LAMA2: variants seen among roughly 807,000 people sequenced by gnomAD.
The protein encoded by LAMA2 is laminin subunit alpha-2.
LAMA2 carries 269 observed loss-of-function variants against 364.8 expected under a neutral mutation model. That is an observed-to-expected ratio of 0.74 (90% confidence interval 0.67 to 0.82). The LOEUF (loss-of-function observed/expected upper bound fraction) is 0.82. Ranked by LOEUF, LAMA2 falls within the 40% of genes least tolerant of loss-of-function variation. The pLI, the probability that LAMA2 is intolerant of heterozygous loss-of-function variation, is 0.00. For missense variants in LAMA2, 3,807 were observed against 3,873.2 expected (o/e 0.98, Z 0.45); for synonymous variants, 1,379 against 1,370.6 (o/e 1.01, Z -0.14).
chr6:129,450,533 G>T (rs1302952164), intron 45 of LAMA2, among the ~76,000 whole-genome samples: 3 of 151,976 alleles, frequency 2.0e-5, no homozygotes, highest in Non-Finnish European at 2.9e-5. Context: ...ATGTTGGCCA[G>T]GATGGTCTGG....
At chr6:129,244,708 A>C (rs1318485842) in intron 12 of LAMA2, among the ~76,000 whole-genome samples, 1 of 151,822 alleles carries the variant, frequency 6.6e-6, no homozygotes, top group East Asian at 1.9e-4. Context: ...CTCAATTCAT[A>C]TTTCTTGAGA....
At chr6:129,070,968 A>C (rs1582986762) in intron 3 of LAMA2, among the ~76,000 whole-genome samples, 1 of 152,296 alleles carries the variant, frequency 6.6e-6, no homozygotes, top group South Asian at 2.1e-4. Flanking sequence ...AACTTCCCTC[A>C]TGCCTTTTCC....
chr6:129,143,487 CT>C (rs1056721591), intron 4 of LAMA2, among the ~76,000 whole-genome samples: 25 of 151,914 alleles, frequency 1.6e-4, no homozygotes, highest in African/African-American at 5.3e-4. Flanking sequence ...TAATGGGTTC[CT>C]TTTTTAATCT....
intron 12 of LAMA2, among the ~76,000 whole-genome samples, chr6:129,210,841 C>T (rs554406244): frequency 6.6e-6 from 1 of 152,146 alleles, no homozygotes; most frequent in Non-Finnish European, 1.5e-5. Context: ...ATGCCGGTTA[C>T]GGTGGGCAAC....
rs139197219 is a variant in LAMA2, at chr6:129,154,163, C to T, written c.1028-342C>T. Among the ~76,000 whole-genome samples, 552 of 152,210 alleles carry T rather than the reference C, an allele frequency of 3.6e-3. 8 individuals carry two copies. The highest frequency in any genetic ancestry group is 0.013 in the African/African-American group (527 of 41,528). On this transcript the variant is annotated intron_variant, in intron 7 of 64. Coordinates refer to ENST00000421865, the MANE Select transcript of LAMA2 (RefSeq NM_000426.4). ...GGGCAGTGGCTCACGCCTGTAATTC[C>T]AGCACTTTGAGAGGCTGAGGCGGGT...
At chr6:129,313,534 C>T (rs1263644826) in intron 23 of LAMA2, among the ~76,000 whole-genome samples, 1 of 152,138 alleles carries the variant, frequency 6.6e-6, no homozygotes. Flanking sequence ...AATATATTTA[C>T]TGCTGTGGAA....
chr6:129,203,283 A>G (rs952791478), intron 12 of LAMA2, among the ~76,000 whole-genome samples: 1 of 152,174 alleles, frequency 6.6e-6, no homozygotes, highest in African/African-American at 2.4e-5. Flanking sequence ...CTCATGTTCT[A>G]TGTGCGGCTC....
chr6:129,415,910 G>A (rs1043307819), intron 40 of LAMA2, among the ~76,000 whole-genome samples: 1 of 151,788 alleles, frequency 6.6e-6, no homozygotes, highest in Admixed American at 6.6e-5. Flanking sequence ...CTGTCCAAAG[G>A]GAAGCTTTCT....
intron 60 of LAMA2, among the ~76,000 whole-genome samples, chr6:129,504,310 T>G (rs1738766392): frequency 1.3e-5 from 2 of 152,188 alleles, no homozygotes; most frequent in Non-Finnish European, 2.9e-5. Context: ...ATATGACATT[T>G]GAGAAAAAGA....
chr6:129,292,736 T>G (rs1291164131), intron 20 of LAMA2: 1 of 905,572 alleles, frequency 1.1e-6, no homozygotes, highest in Non-Finnish European at 1.3e-6. Context: ...TATCATCTGC[T>G]TCTGTCTCTT....
rs573088886 is a variant in LAMA2 at position 129,451,351 on chromosome 6, A to G, written c.6430-1637A>G. On this transcript the variant is annotated intron_variant, in intron 45 of 64. Transcript: ENST00000421865. ...CCTAGGACACAGAACAAACACTCTG[A>G]GGACCATAGTTGGCCCTGAGTCCTG... is the stretch of plus-strand genomic sequence containing the variant. 3.3e-5 allele frequency among the ~76,000 whole-genome samples: 5 copies of G among 152,320 alleles called. No homozygotes were observed. The South Asian group carries it at 1.0e-3, about 32-fold the overall frequency.
chr6:129,440,072 G>A (rs1297453036), intron 42 of LAMA2, among the ~76,000 whole-genome samples: 1 of 152,034 alleles, frequency 6.6e-6, no homozygotes, highest in Non-Finnish European at 1.5e-5. Flanking sequence ...GAAACAGACA[G>A]AGGATACTGA....
chr6:128,883,833 CACATAT>C (rs1775989823), intron 1 of LAMA2, among the ~76,000 whole-genome samples: 3 of 114,782 alleles, frequency 2.6e-5, no homozygotes, highest in African/African-American at 1.2e-4. Flanking sequence ...CACACACACA[CACATAT>C]ATATATATAT....
chr6:129,311,977 A>G (rs1382724050), intron 22 of LAMA2, among the ~76,000 whole-genome samples: 1 of 152,214 alleles, frequency 6.6e-6, no homozygotes, highest in East Asian at 1.9e-4. Context: ...GATATTATAG[A>G]TTTGGCAGAG....
At chr6:129,413,361 A>G (rs1373619173) in intron 40 of LAMA2, among the ~76,000 whole-genome samples, 2 of 152,154 alleles carry the variant, frequency 1.3e-5, no homozygotes, top group Non-Finnish European at 2.9e-5. Context: ...ATTTTACCAT[A>G]TCTCTCTTAA....
At chr6:129,445,921 G>A in intron 45 of LAMA2, 100 bp downstream of exon 45, 5 of 1,236,666 alleles carry the variant, frequency 4.0e-6, no homozygotes, top group Middle Eastern at 5.1e-4. Context: ...AATGATCTTG[G>A]GTCCTTTTCC....
chr6:129,212,729 C>T (rs1242110198), intron 12 of LAMA2, among the ~76,000 whole-genome samples: 1 of 152,184 alleles, frequency 6.6e-6, no homozygotes, highest in Admixed American at 6.5e-5. Context: ...ATTCACTTAA[C>T]TGAGTTTAAT....
intron 52 of LAMA2, among the ~76,000 whole-genome samples, chr6:129,474,196 G>C (rs1320969818): frequency 6.6e-6 from 1 of 152,072 alleles, no homozygotes; most frequent in Non-Finnish European, 1.5e-5. Context: ...ACTCCAAAAA[G>C]ACAGATTATG....
At chr6:128,945,488 A>C (rs141850405) in intron 1 of LAMA2, among the ~76,000 whole-genome samples, 3 of 152,240 alleles carry the variant, frequency 2.0e-5, no homozygotes, top group African/African-American at 4.8e-5. Context: ...CCAGGTACCA[A>C]TAACTAGGGA....
Sources: gnomAD v4.1 joint callset for allele counts (sites outside exome capture counted in the v4.1 genomes callset) on GRCh38, gnomAD v4.1.1 for gene constraint, MANE v1.5 for transcripts, NCBI Gene and HGNC (gene_info 2026-07-23, HGNC 2026-07-21) for gene names.